The following RHBDD1 variants were observed in gnomAD, a reference collection of about 807,000 sequenced individuals.
The protein encoded by RHBDD1 is rhomboid domain containing 1, also known as rhomboid-related protein 4.
A neutral mutation model predicts 36.3 loss-of-function variants in RHBDD1; 38 were observed. The ratio of observed to expected loss-of-function variants is 1.05; its 90% CI spans 0.81 to 1.37. RHBDD1 has a LOEUF of 1.37. Among genes scored for constraint, RHBDD1 ranks in the 40% most tolerant of loss-of-function variants. The probability of loss-of-function intolerance (pLI) is 0.00; values close to 1 mark genes in which losing one functional copy is unlikely to be tolerated. For synonymous variants in RHBDD1, 151 were observed against 136.5 expected, an observed-to-expected ratio of 1.11 and a Z score of -0.74; for missense variants, 393 against 377.6, an observed-to-expected ratio of 1.04 and a Z score of -0.34.
intron 6 of RHBDD1, 152 bp from the exon 7 acceptor site, chr2:226,908,670 G>A: frequency 3.1e-6 from 2 of 636,456 alleles, no homozygotes; most frequent in Non-Finnish European, 2.9e-6. Context: ...GTTAGGGCTG[G>A]CCCCCAAACA....
the RHBDD1 span, among the ~76,000 whole-genome samples, chr2:226,822,702 T>C: frequency 2.0e-5 from 3 of 148,684 alleles, no homozygotes; most frequent in Admixed American, 1.3e-4. Flanking sequence ...AGAGTGACAA[T>C]GTTTGTGTCC....
At position 226,864,951 on chromosome 2, in the gene RHBDD1, A is replaced by G. The variant is rs757848032; in HGVS notation, c.258A>G (p.Ala86=). ...ATTGGCATTTGTATTTCAATATGGC[A>G]TCCATGCTCTGGAAAGGAATAAATC... ...ADDWHLYFNM[A]SMLWKGINLE... is the part of the protein sequence containing the mutation. Residue 86 remains alanine (A), a synonymous_variant, in exon 4 of 9, where the codon GCA becomes GCG. Transcript: ENST00000392062. 9.3e-6 allele frequency: 15 copies of G among 1,614,104 alleles called. No individual in the cohort carries two copies. The highest frequency in any genetic ancestry group is 2.2e-5 in the East Asian group (1 of 44,900).
intron 8 of RHBDD1, among the ~76,000 whole-genome samples, chr2:226,926,398 A>G (rs991192602): frequency 2.0e-5 from 3 of 152,054 alleles, no homozygotes; most frequent in Non-Finnish European, 4.4e-5. Context: ...CTGATGTTGC[A>G]TTTGATTATT....
At chr2:226,878,375 A>G (rs1945420536) in intron 5 of RHBDD1, among the ~76,000 whole-genome samples, 1 of 152,220 alleles carries the variant, frequency 6.6e-6, no homozygotes, top group Admixed American at 6.5e-5. Context: ...GTTCTTTTCA[A>G]AGTTTCCCAC....
chr2:226,907,524 C>T (rs1339268699), intron 6 of RHBDD1, among the ~76,000 whole-genome samples: 4 of 151,662 alleles, frequency 2.6e-5, no homozygotes, highest in Non-Finnish European at 5.9e-5. Flanking sequence ...AACTGGTTTG[C>T]AAACACTTGT....
At position 226,997,508 on chromosome 2, in the gene RHBDD1, C is replaced by T. The variant is rs1448838527; in HGVS notation, c.*1986C>T. On this transcript the variant is annotated 3_prime_UTR_variant, in exon 9 of 9. Transcript: ENST00000392062. ...CTTAGTTATCTTTCCACTCACTCCC[C>T]GTCTCCCCTTTCCAACCCCAAAGGC... 1 of 152,238 alleles carries T rather than the reference C, an allele frequency of 6.6e-6. No individual in the cohort carries two copies. Among genetic ancestry groups the T allele is most frequent in the South Asian group, 2.1e-4 (1 of 4,828 alleles). The allele number at this position is 152,238 out of a possible 1,614,324, so 9.4% of individuals were successfully genotyped here.
intron 3 of RHBDD1, among the ~76,000 whole-genome samples, chr2:226,864,319 G>T (rs1944128239): frequency 6.6e-6 from 1 of 152,110 alleles, no homozygotes. Context: ...TTACATGTTT[G>T]TTTGGGAAGT....
chr2:226,864,986 G>A lies in RHBDD1; in HGVS notation c.293G>A (p.Arg98Lys). ...MLWKGINLER[R>K]LGSRWFAYVI... ...TGGAAAGGAATAAATCTAGAAAGAA[G>A]ACTGGGAAGTAGATGGTTTGCCTAT... Residue 98 changes from arginine to lysine, a missense_variant, in exon 4 of 9, where the codon AGA becomes AAA. Physicochemically the swap from Arg to Lys is conservative, Grantham distance 26. Transcript: ENST00000392062. 1.2e-6 allele frequency: 2 copies of A among 1,614,248 alleles called. No individual in the cohort carries two copies. The highest frequency in any genetic ancestry group is 1.7e-6 in the Non-Finnish European group (2 of 1,180,040).
chr2:226,851,196 G>A (rs1367145782), intron 3 of RHBDD1, among the ~76,000 whole-genome samples: 1 of 152,016 alleles, frequency 6.6e-6, no homozygotes, highest in Admixed American at 6.5e-5. Flanking sequence ...TTCCATCAAG[G>A]AGAGTTGATA....
At chr2:226,900,537 A>G (rs980729068) in intron 5 of RHBDD1, among the ~76,000 whole-genome samples, 1 of 152,148 alleles carries the variant, frequency 6.6e-6, no homozygotes, top group Admixed American at 6.6e-5. Context: ...TAAGTTACCA[A>G]TTTTAGGATA....
intron 3 of RHBDD1, among the ~76,000 whole-genome samples, chr2:226,860,062 G>A (rs1943703653): frequency 6.6e-6 from 1 of 152,178 alleles, no homozygotes; most frequent in Non-Finnish European, 1.5e-5. Context: ...GGATTTGGGG[G>A]TAGCAGGGTG....
At chr2:226,862,686 C>T (rs1005653756) in intron 3 of RHBDD1, among the ~76,000 whole-genome samples, 9 of 152,176 alleles carry the variant, frequency 5.9e-5, no homozygotes, top group Non-Finnish European at 1.3e-4. Context: ...CCCTCCCTGG[C>T]TTAGTCCGTT....
At position 226,843,608 on chromosome 2, in the gene RHBDD1, C is replaced by T. The variant is rs61004904; in HGVS notation, c.-91+3981C>T. ...TATATGTTGAACCAACCTGGCACCCCGGGATGAAGCCAACTTGATCGTGGT... is the reference window on the plus strand; with the variant it reads ...TATATGTTGAACCAACCTGGCACCCTGGGATGAAGCCAACTTGATCGTGGT... On this transcript the variant is annotated intron_variant, in intron 3 of 8. Transcript: ENST00000392062. 7.4e-3 allele frequency among the ~76,000 whole-genome samples: 1,127 copies of T among 152,184 alleles called. 13 individuals are homozygous for T. The highest frequency in any genetic ancestry group is 0.043 in the South Asian group (208 of 4,816).
chr2:226,922,101 TG>T lies in RHBDD1; in HGVS notation c.856+7751del, dbSNP rs377370598. Among the ~76,000 whole-genome samples the T allele has an allele frequency of 6.5e-3, 983 of 152,154 alleles. 16 individuals carry two copies. The highest frequency in any genetic ancestry group is 0.022 in the African/African-American group (927 of 41,538). ...TTTATCATAATATAATTACCTTCTT[TG>T]TCTCTTTTTATAGTTTTTATCTTCA... On this transcript the variant is annotated intron_variant, in intron 8 of 8. Transcript: ENST00000392062.
chr2:226,929,014 A>T (rs1020584179), intron 8 of RHBDD1, among the ~76,000 whole-genome samples: 5 of 152,108 alleles, frequency 3.3e-5, no homozygotes, highest in East Asian at 3.9e-4. Flanking sequence ...ATAATTTTTT[A>T]AATTGCCAAC....
intron 5 of RHBDD1, among the ~76,000 whole-genome samples, chr2:226,892,476 T>C (rs910904311): frequency 2.6e-5 from 4 of 152,244 alleles, no homozygotes; most frequent in African/African-American, 9.6e-5. Context: ...TATGACTTTT[T>C]GTACATGCGA....
chr2:226,847,843 T>C (rs1942385464), intron 3 of RHBDD1, among the ~76,000 whole-genome samples: 2 of 152,202 alleles, frequency 1.3e-5, no homozygotes, highest in African/African-American at 4.8e-5. Flanking sequence ...TTTTCGCCTC[T>C]CTGTGAATTC....
At chr2:226,847,184 T>C (rs548349746) in intron 3 of RHBDD1, among the ~76,000 whole-genome samples, 1 of 152,328 alleles carries the variant, frequency 6.6e-6, no homozygotes, top group African/African-American at 2.4e-5. Flanking sequence ...TATTCCCTAA[T>C]ATACAAGTTG....
At chr2:226,981,422 G>A (rs1445072850) in intron 8 of RHBDD1, among the ~76,000 whole-genome samples, 1 of 149,712 alleles carries the variant, frequency 6.7e-6, no homozygotes, top group Non-Finnish European at 1.5e-5. Context: ...TAAAAAAGGA[G>A]CTCATTGAAC....
Sources: gnomAD v4.1 joint callset for allele counts (sites outside exome capture counted in the v4.1 genomes callset) on GRCh38, gnomAD v4.1.1 for gene constraint, MANE v1.5 for transcripts, NCBI Gene and HGNC (gene_info 2026-07-23, HGNC 2026-07-21) for gene names.